Variants in BZW2 observed in about 807,000 individuals in gnomAD.
BZW2 encodes the protein basic leucine zipper and W2 domains 2.
Under a neutral mutation model 53.2 loss-of-function variants are expected in BZW2, and 23 were observed. The observed-to-expected ratio is 0.43, with a 90% CI of 0.31 to 0.61. The LOEUF (loss-of-function observed/expected upper bound fraction) is 0.61. Among genes scored for constraint, BZW2 ranks in the 20% least tolerant of loss-of-function variants. The pLI is 0.09. For missense variants in BZW2, 409 were observed against 503.1 expected, an observed-to-expected ratio of 0.81 and a Z score of 1.79; for synonymous variants, 227 against 186.4, an observed-to-expected ratio of 1.22 and a Z score of -1.77.
At position 16,685,950 on chromosome 7, in the gene BZW2, T is replaced by C; in HGVS notation, c.451T>C (p.Leu151=). The change falls in exon 6 of 12, where the codon TTG becomes CTG. Residue 151 remains leucine (L), a synonymous_variant. Transcript: ENST00000258761. Reference sequence around the variant, plus strand: ...CTTTTCCGAAACAGAGCAGACAAAGTTGGCGATGCTGTCGGGGATTCTGCT... The same window carrying C: ...CTTTTCCGAAACAGAGCAGACAAAGCTGGCGATGCTGTCGGGGATTCTGCT... ...KAFSETEQTK[L]AMLSGILLGN... The C allele has an allele frequency of 2.5e-6, 4 of 1,571,996 alleles. No homozygotes were observed. Among genetic ancestry groups the C allele is most frequent in the Non-Finnish European group, 3.5e-6 (4 of 1,158,768 alleles).
At chr7:16,699,818 A>G (rs1268520642) in intron 10 of BZW2, among the ~76,000 whole-genome samples, 1 of 152,186 alleles carries the variant, frequency 6.6e-6, no homozygotes, top group Non-Finnish European at 1.5e-5. Context: ...TAGACTTCTT[A>G]TAACAACTAC....
chr7:16,680,405 G>A (rs1174958763), intron 3 of BZW2, among the ~76,000 whole-genome samples: 1 of 152,186 alleles, frequency 6.6e-6, no homozygotes, highest in Non-Finnish European at 1.5e-5. Flanking sequence ...GAAAGAACCA[G>A]ACTTATAGTG....
chr7:16,686,835 A>G (rs1335445473), intron 6 of BZW2: 2 of 152,206 alleles, frequency 1.3e-5, no homozygotes, highest in East Asian at 3.9e-4. Flanking sequence ...TTGAGAGTCA[A>G]TTGGTCTTAT....
rs564034261 is a variant in BZW2, at chr7:16,695,371, G to C, written c.822+367G>C. 4.6e-5 allele frequency among the ~76,000 whole-genome samples: 7 copies of C among 152,260 alleles called. No individual in the cohort carries two copies. The East Asian group carries it at 1.4e-3, about 29-fold the overall frequency. ...GGTTATCTAACCTGATTAAGCATTT[G>C]TCTAGTGTTTGGAATTAACACTGGA... On this transcript the variant is annotated intron_variant, in intron 8 of 11. Transcript: ENST00000258761.
intron 1 of BZW2, among the ~76,000 whole-genome samples, chr7:16,647,719 A>T (rs190590945): frequency 8.5e-5 from 13 of 152,364 alleles, no homozygotes; most frequent in African/African-American, 2.9e-4. Context: ...GTTCAGAGTT[A>T]CAATTGATTT....
Position 16,685,893 on chromosome 7 carries a change from T to TTTTTTTTTA in BZW2, c.406-10_406-9insTTTTTTATT. 1 of 1,465,366 alleles carries TTTTTTTTTA rather than the reference T, an allele frequency of 6.8e-7. No homozygotes were observed. The highest frequency in any genetic ancestry group is 9.0e-7 in the Non-Finnish European group (1 of 1,113,230). 90.8% of individuals were successfully genotyped at this position (1,465,366 alleles called of 1,614,324 possible). On this transcript the variant is annotated splice_polypyrimidine_tract_variant and intron_variant, in intron 5 of 11. Coordinates refer to ENST00000258761, the MANE Select transcript of BZW2 (RefSeq NM_014038.3). ...TTCTTTTTCTTTTTTTTTTTTTTTT[T>TTTTTTTTTA]TTGACCCACAGCTTCTCCTCTTCCT... is the stretch of plus-strand genomic sequence containing the variant.
At chr7:16,694,727 T>C in intron 7 of BZW2, 107 bp from the exon 8 acceptor site, 2 of 958,318 alleles carry the variant, frequency 2.1e-6, no homozygotes, top group Non-Finnish European at 3.0e-6. Context: ...GTCTTTATTC[T>C]TTTCTTCCAA....
chr7:16,704,490 T>G (rs1388295975), intron 10 of BZW2, 57 bp from the exon 11 acceptor site: 6 of 1,450,406 alleles, frequency 4.1e-6, no homozygotes, highest in Non-Finnish European at 5.6e-6. Flanking sequence ...TACATGAAGT[T>G]GTTTTGAAAC....
Position 16,706,147 on chromosome 7 carries a change from G to A in BZW2, c.*59G>A. ...ACACCACTTTTTGATTGGGAATGCT[G>A]AACCATTTGAGAAGAGAAACTTGGC... On this transcript the variant is annotated 3_prime_UTR_variant, in exon 12 of 12. Transcript: ENST00000258761. 2 of 1,563,200 alleles carry A rather than the reference G, an allele frequency of 1.3e-6. No homozygotes were observed. Among genetic ancestry groups the A allele is most frequent in the East Asian group, 2.3e-5 (1 of 43,738 alleles).
In BZW2 at chr7:16,687,884, C is replaced by T. The variant is rs140090831; in HGVS notation, c.541+1844C>T. 3.9e-3 allele frequency among the ~76,000 whole-genome samples: 588 copies of T among 152,108 alleles called. 5 individuals carry two copies. The highest frequency in any genetic ancestry group is 0.013 in the African/African-American group (552 of 41,518). The stretch of plus-strand genomic sequence containing the variant: ...TAGTTTCAAGCGTAGTTTTTCTTTA[C>T]GATACAGATTACAGCCTAGTGTTAA... On this transcript the variant is annotated intron_variant, in intron 6 of 11. Coordinates refer to ENST00000258761, the MANE Select transcript of BZW2 (RefSeq NM_014038.3).
chr7:16,666,600 A>C (rs563036369), intron 2 of BZW2, among the ~76,000 whole-genome samples: 11 of 152,086 alleles, frequency 7.2e-5, no homozygotes, highest in African/African-American at 2.7e-4. Flanking sequence ...ACGGGGTTTC[A>C]CCATATTGGC....
rs370589995 is a variant in BZW2 at position 16,706,128 on chromosome 7, C to T, written c.*40C>T. On this transcript the variant is annotated 3_prime_UTR_variant, in exon 12 of 12. Transcript: ENST00000258761. ...ACAATACCTAGGTTACCACACACCA[C>T]TTTTTGATTGGGAATGCTGAACCAT... is the stretch of plus-strand genomic sequence containing the variant. 2 of 1,601,772 alleles carry T rather than the reference C, an allele frequency of 1.2e-6. No individual in the cohort carries two copies. Among genetic ancestry groups the T allele is most frequent in the South Asian group, 2.2e-5 (2 of 89,562 alleles).
intron 1 of BZW2, among the ~76,000 whole-genome samples, chr7:16,650,567 A>C (rs1199772116): frequency 6.6e-6 from 1 of 152,160 alleles, no homozygotes; most frequent in Admixed American, 6.6e-5. Context: ...TAATTTGTGC[A>C]ATTTTTTAAA....
chr7:16,659,698 G>A (rs1046696121), intron 1 of BZW2, among the ~76,000 whole-genome samples: 2 of 152,092 alleles, frequency 1.3e-5, no homozygotes, highest in Non-Finnish European at 2.9e-5. Context: ...GGTAATTCTT[G>A]AAACTTGTTA....
rs71007780 is a variant in BZW2 at position 16,678,087 on chromosome 7, C to CTTTTT, written c.236-3193_236-3189dup. 3.7e-4 allele frequency among the ~76,000 whole-genome samples: 25 copies of CTTTTT among 66,908 alleles called. 1 individual carries two copies. Among genetic ancestry groups the CTTTTT allele is most frequent in the African/African-American group, 7.7e-4 (14 of 18,158 alleles). 43.9% of individuals were successfully genotyped at this position (66,908 alleles called of 152,430 possible). ...TCACAATTTACCTTCTTCCATTGTT[C>CTTTTT]TTTTTTTTTTTTTTTTTTTTTTTTT... On this transcript the variant is annotated intron_variant, in intron 3 of 11. Coordinates refer to ENST00000258761, the MANE Select transcript of BZW2 (RefSeq NM_014038.3).
intron 3 of BZW2, among the ~76,000 whole-genome samples, chr7:16,679,349 T>G (rs975238362): frequency 2.6e-5 from 4 of 152,220 alleles, no homozygotes; most frequent in African/African-American, 9.6e-5. Flanking sequence ...CTGCCGTGGC[T>G]TCAGCCGGTC....
At chr7:16,673,084 TA>T (rs1782655886) in intron 2 of BZW2, among the ~76,000 whole-genome samples, 1 of 152,098 alleles carries the variant, frequency 6.6e-6, no homozygotes, top group Admixed American at 6.6e-5. Flanking sequence ...TAGCTGGGAC[TA>T]ACAGGGGCCC....
chr7:16,702,108 G>C (rs1032394869), intron 10 of BZW2, among the ~76,000 whole-genome samples: 1 of 152,046 alleles, frequency 6.6e-6, no homozygotes, highest in East Asian at 1.9e-4. Context: ...TTCCTAATAG[G>C]CATTTATGAA....
chr7:16,677,062 T>C (rs915611049), intron 3 of BZW2, among the ~76,000 whole-genome samples: 5 of 151,098 alleles, frequency 3.3e-5, no homozygotes, highest in Non-Finnish European at 7.4e-5. Context: ...TTTTTTTTTT[T>C]TTTTTTGGCA....
Sources: allele counts gnomAD v4.1 joint callset (sites outside exome capture counted in the v4.1 genomes callset), GRCh38; gene constraint gnomAD v4.1.1; transcripts MANE v1.5; gene names NCBI Gene and HGNC (gene_info 2026-07-23, HGNC 2026-07-21).